Variants in HAUS2 observed in about 807,000 individuals in gnomAD.
HAUS2 encodes the protein HAUS augmin like complex subunit 2, also known as HAUS augmin-like complex subunit 2.
HAUS2 carries 20 observed loss-of-function variants against 21.6 expected under a neutral mutation model. The observed-to-expected ratio is 0.93, with a 90% CI of 0.65 to 1.35. The LOEUF (loss-of-function observed/expected upper bound fraction) is 1.35, where lower values mean the gene tolerates loss of function less well. HAUS2 is among the 40% of genes most tolerant of loss of function. The pLI is 0.00. For missense variants in HAUS2, 297 were observed against 280.7 expected (o/e 1.06, Z -0.42); for synonymous variants, 113 against 95.6 (o/e 1.18, Z -1.06).
At chr15:42,559,687 A>T (rs933129360) in intron 3 of HAUS2, among the ~76,000 whole-genome samples, 3 of 152,214 alleles carry the variant, frequency 2.0e-5, no homozygotes, top group African/African-American at 7.2e-5. Context: ...AAGGGACATG[A>T]CAACTAAAGC....
At chr15:42,557,513 T>TTA (rs10546541) in intron 1 of HAUS2, among the ~76,000 whole-genome samples, 5 of 23,524 alleles carry the variant, frequency 2.1e-4, no homozygotes, top group Admixed American at 1.4e-3. Flanking sequence ...AATGTATATA[T>TTA]TATATATATA....
intron 1 of HAUS2, among the ~76,000 whole-genome samples, chr15:42,556,732 C>T (rs553336841): frequency 2.6e-5 from 4 of 151,552 alleles, no homozygotes; most frequent in South Asian, 2.1e-4. Context: ...GGCCTGGACG[C>T]GGTGGCTCAC....
intron 1 of HAUS2, among the ~76,000 whole-genome samples, chr15:42,553,566 C>G (rs12904902): frequency 6.6e-6 from 1 of 152,064 alleles, no homozygotes. Context: ...CTCCACCTCC[C>G]TAAGTGCAGG....
intron 1 of HAUS2, among the ~76,000 whole-genome samples, chr15:42,551,113 C>G (rs150459941): frequency 6.6e-6 from 1 of 150,882 alleles, no homozygotes; most frequent in African/African-American, 2.4e-5. Flanking sequence ...CTCGTGCTCC[C>G]GAGTAGCTGG....
intron 3 of HAUS2, among the ~76,000 whole-genome samples, chr15:42,560,016 A>G (rs1344003867): frequency 2.6e-5 from 4 of 152,148 alleles, no homozygotes; most frequent in Admixed American, 2.6e-4. Flanking sequence ...ACTAGCCAGC[A>G]TTGTAGCATG....
intron 4 of HAUS2, among the ~76,000 whole-genome samples, chr15:42,562,538 T>C (rs2057862594): frequency 6.6e-6 from 1 of 152,202 alleles, no homozygotes; most frequent in African/African-American, 2.4e-5. Flanking sequence ...GAGGTTGCAA[T>C]GACCTGAGAT....
chr15:42,548,854 CG>C lies in HAUS2; in HGVS notation c.-17del. 1 of 1,538,660 alleles carries C rather than the reference CG, an allele frequency of 6.5e-7. No homozygotes were observed. The highest frequency in any genetic ancestry group is 8.8e-7 in the Non-Finnish European group (1 of 1,138,274). ...ATCCCGCTCACTCTTGGCGCCTTCG[CG>C]GAAGGTGCGTCCGAGCCATGGCCGC... On this transcript the variant is annotated 5_prime_UTR_variant, in exon 1 of 6. Transcript: ENST00000260372.
chr15:42,564,224 C>G (rs1172826557), intron 5 of HAUS2, among the ~76,000 whole-genome samples: 1 of 150,020 alleles, frequency 6.7e-6, no homozygotes, highest in African/African-American at 2.5e-5. Context: ...TGAGATCGTG[C>G]CAGTGCACTC....
intron 1 of HAUS2, among the ~76,000 whole-genome samples, chr15:42,550,885 T>TCC (rs1334812532): frequency 6.6e-6 from 1 of 152,140 alleles, no homozygotes; most frequent in Non-Finnish European, 1.5e-5. Context: ...GCCAGGATGG[T>TCC]CTCGATCTCC....
chr15:42,566,878 T>A lies in HAUS2; in HGVS notation c.*62T>A. ...TATGAAGTCTATTTCTAGTTGACTG[T>A]AACATGGGTATTAATAGTCTTTGCT... On this transcript the variant is annotated 3_prime_UTR_variant, in exon 6 of 6. Coordinates refer to ENST00000260372, the MANE Select transcript of HAUS2 (RefSeq NM_018097.3). 1 of 774,132 alleles carries A rather than the reference T, an allele frequency of 1.3e-6. No homozygotes were observed. The highest frequency in any genetic ancestry group is 2.3e-6 in the Non-Finnish European group (1 of 443,994). 48.0% of individuals were successfully genotyped at this position (774,132 alleles called of 1,614,324 possible).
At chr15:42,555,506 G>A (rs1299265328) in intron 1 of HAUS2, among the ~76,000 whole-genome samples, 1 of 152,176 alleles carries the variant, frequency 6.6e-6, no homozygotes, top group African/African-American at 2.4e-5. Context: ...ATTTTCTGCA[G>A]TATGATTGTT....
chr15:42,564,945 C>T (rs1162228954), intron 5 of HAUS2, among the ~76,000 whole-genome samples: 1 of 152,222 alleles, frequency 6.6e-6, no homozygotes, highest in Non-Finnish European at 1.5e-5. Flanking sequence ...AAGCGATTCT[C>T]CTGCCTCAGC....
At chr15:42,550,284 G>GAAAAAAAAA (rs61442261) in intron 1 of HAUS2, among the ~76,000 whole-genome samples, 2 of 98,366 alleles carry the variant, frequency 2.0e-5, no homozygotes, top group Non-Finnish European at 4.2e-5. Flanking sequence ...CTGTCTCAGG[G>GAAAAAAAAA]AAAAAAAAAA....
At chr15:42,560,001 C>A (rs1212460568) in intron 3 of HAUS2, among the ~76,000 whole-genome samples, 1 of 151,996 alleles carries the variant, frequency 6.6e-6, no homozygotes, top group Non-Finnish European at 1.5e-5. Context: ...AAAAAAAATA[C>A]AAAAACTAGC....
Position 42,559,386 on chromosome 15 carries a change from T to C in HAUS2, c.234T>C (p.Asp78=). The change falls in exon 3 of 6, where the codon GAT becomes GAC. Residue 78 remains aspartate, a synonymous_variant. Transcript: ENST00000260372. ...TGAAACTAGAAAAAGATACAGCAGA[T>C]GTTGTTCATCCTTTCTTTTTGGGTA... ...ELLKLEKDTA[D]VVHPFFLAQK... 2 of 1,605,156 alleles carry C rather than the reference T, an allele frequency of 1.2e-6. No individual in the cohort carries two copies. The highest frequency in any genetic ancestry group is 8.5e-7 in the Non-Finnish European group (1 of 1,171,866).
At position 42,558,287 on chromosome 15, in the gene HAUS2, C is replaced by G; in HGVS notation, c.183C>G (p.Tyr61Ter). The change falls in exon 2 of 6, where the codon TAC (tyrosine) becomes TAG (stop). Residue 61 changes from tyrosine (Y) to a stop codon, truncating the protein, a stop_gained. Transcript: ENST00000260372. LOFTEE classifies it high-confidence loss of function. Reference sequence around the variant, plus strand: ...TCACAAATATTCAAGCTGAAATCTACCAGGTAAATCATTTTGTTTTCACTT... The same window carrying G: ...TCACAAATATTCAAGCTGAAATCTAGCAGGTAAATCATTTTGTTTTCACTT... ...QQITNIQAEI[Y>*]QKNLEIELLK... 8.9e-7 allele frequency: 1 copy of G among 1,121,312 alleles called. No individual in the cohort carries two copies. The highest frequency in any genetic ancestry group is 1.3e-6 in the Non-Finnish European group (1 of 757,772). The allele number at this position is 1,121,312 out of a possible 1,614,324, so 69.5% of individuals were successfully genotyped here.
Position 42,558,228 on chromosome 15 carries a change from T to C in HAUS2, c.124T>C (p.Ser42Pro), listed in dbSNP as rs1217027234. The change falls in exon 2 of 6, where the codon TCT becomes CCT. Residue 42 changes from serine to proline, a missense_variant. Ser to Pro is a moderately conservative substitution (Grantham distance 74). Coordinates refer to ENST00000260372, the MANE Select transcript of HAUS2 (RefSeq NM_018097.3). Reference protein sequence around the residue: ...EMLNMSKKTVSCFVNFTRLQQ... With the variant: ...EMLNMSKKTVPCFVNFTRLQQ... ...GTTAAACATGTCTAAGAAAACAGTT[T>C]CTTGTTTTGTGAACTTCACCAGACT... 2.0e-6 allele frequency: 3 copies of C among 1,497,060 alleles called. No homozygotes were observed. The highest frequency in any genetic ancestry group is 1.4e-5 in the African/African-American group (1 of 72,670). 92.7% of individuals were successfully genotyped at this position (1,497,060 alleles called of 1,614,324 possible). A position where few individuals can be genotyped will look rare whatever the true frequency, so the allele number is the denominator to read the frequency against.
chr15:42,554,603 A>G (rs893587595), intron 1 of HAUS2, among the ~76,000 whole-genome samples: 4 of 150,348 alleles, frequency 2.7e-5, no homozygotes, highest in East Asian at 2.0e-4. Context: ...TGATTCTCCC[A>G]TCTCAGCCTC....
chr15:42,549,301 A>G (rs1286379460), intron 1 of HAUS2, among the ~76,000 whole-genome samples: 2 of 152,130 alleles, frequency 1.3e-5, no homozygotes, highest in East Asian at 3.9e-4. Flanking sequence ...GGGATGGGAA[A>G]TACGGGTCGT....
Sources: allele counts gnomAD v4.1 joint callset (sites outside exome capture counted in the v4.1 genomes callset), GRCh38; gene constraint gnomAD v4.1.1; transcripts MANE v1.5; gene names NCBI Gene and HGNC (gene_info 2026-07-23, HGNC 2026-07-21).